KHDRBS2: variants seen among roughly 807,000 people sequenced by gnomAD.
KHDRBS2 encodes KH domain-containing, RNA-binding, signal transduction-associated protein 2.
A neutral mutation model predicts 44.3 loss-of-function variants in KHDRBS2; 26 were observed. The ratio of observed to expected loss-of-function variants is 0.59; its 90% CI spans 0.43 to 0.81. The LOEUF (loss-of-function observed/expected upper bound fraction) is 0.81, where lower values mean the gene tolerates loss of function less well. Ranked by LOEUF, KHDRBS2 falls within the 40% of genes least tolerant of loss-of-function variation. KHDRBS2 has a pLI of 0.00. For synonymous variants in KHDRBS2, 194 were observed against 151.1 expected, an observed-to-expected ratio of 1.28 and a Z score of -2.08; for missense variants, 476 against 433.1, an observed-to-expected ratio of 1.10 and a Z score of -0.88.
intron 6 of KHDRBS2, among the ~76,000 whole-genome samples, chr6:61,790,507 G>T (rs1450671272): frequency 6.6e-6 from 1 of 150,858 alleles, no homozygotes; most frequent in Non-Finnish European, 1.5e-5. Flanking sequence ...TACCTGGATG[G>T]TTTCACATAG....
rs191776877 is a variant in KHDRBS2 at position 61,769,793 on chromosome 6, C to A, written c.811-37029G>T. Among the ~76,000 whole-genome samples the A allele has an allele frequency of 3.7e-3, 568 of 152,346 alleles. 5 individuals are homozygous for A. The highest frequency in any genetic ancestry group is 4.2e-3 in the Non-Finnish European group (288 of 68,032). ...AGACAAACAAAAAGACAGCAGTAAC[C>A]TCTGCAGACTTAAATGTCCCTCTCT... On this transcript the variant is annotated intron_variant, in intron 6 of 8. Transcript: ENST00000281156.
At position 61,766,576 on chromosome 6, in the gene KHDRBS2, C is replaced by T. The variant is rs1780041148; in HGVS notation, c.811-33812G>A. The stretch of plus-strand genomic sequence containing the variant: ...AGGGTGCTTATTTGAAGTTTTTCTA[C>T]TTTTTTGATGTAGGCATATATAGCT... On this transcript the variant is annotated intron_variant, in intron 6 of 8. Transcript: ENST00000281156. 3.3e-5 allele frequency among the ~76,000 whole-genome samples: 5 copies of T among 151,954 alleles called. No homozygotes were observed. The South Asian group carries it at 8.3e-4, about 25-fold the overall frequency.
chr6:61,567,036 A>G, the KHDRBS2 span, among the ~76,000 whole-genome samples: 3 of 152,272 alleles, frequency 2.0e-5, no homozygotes, highest in African/African-American at 7.2e-5. Context: ...CTTCAGGGAG[A>G]AGGCTGGGGA....
rs1036249534 is a variant in KHDRBS2, at chr6:62,048,855, G to A, written c.220-861C>T. Among the ~76,000 whole-genome samples the A allele has an allele frequency of 9.0e-4, 137 of 151,880 alleles. 7 individuals are homozygous for A. Among genetic ancestry groups the A allele is most frequent in the Non-Finnish European group, 4.4e-5 (3 of 67,878 alleles). ...ACTAAAAATACAAAGAACATAGAAT[G>A]CACCAAAAACTATCTTGGGAACATA... On this transcript the variant is annotated intron_variant, in intron 2 of 8. Transcript: ENST00000281156.
At chr6:61,794,723 C>G (rs1185696745) in intron 6 of KHDRBS2, among the ~76,000 whole-genome samples, 1 of 152,012 alleles carries the variant, frequency 6.6e-6, no homozygotes, top group African/African-American at 2.4e-5. Flanking sequence ...TGGTTCTTAA[C>G]AAATTTTAGA....
intron 3 of KHDRBS2, among the ~76,000 whole-genome samples, chr6:62,015,356 C>T (rs534442697): frequency 7.9e-5 from 12 of 152,172 alleles, no homozygotes; most frequent in African/African-American, 2.9e-4. Context: ...AGCCCAGAAC[C>T]CATGTCCTGC....
chr6:62,204,236 C>T (rs1376672648), intron 1 of KHDRBS2, among the ~76,000 whole-genome samples: 2 of 152,124 alleles, frequency 1.3e-5, no homozygotes, highest in African/African-American at 4.8e-5. Context: ...TTATTGGAAA[C>T]TTACTAAAAG....
chr6:62,152,737 A>G (rs1815485422), intron 2 of KHDRBS2, among the ~76,000 whole-genome samples: 1 of 152,170 alleles, frequency 6.6e-6, no homozygotes, highest in Non-Finnish European at 1.5e-5. Context: ...TGCTTGCTCC[A>G]CAGAGATGGC....
At chr6:62,056,948 T>C (rs1310016564) in intron 2 of KHDRBS2, among the ~76,000 whole-genome samples, 5 of 151,948 alleles carry the variant, frequency 3.3e-5, no homozygotes, top group South Asian at 2.1e-4. Context: ...TAACCAATAA[T>C]CAAATTGAAA....
intron 1 of KHDRBS2, among the ~76,000 whole-genome samples, chr6:62,193,430 T>C (rs193264574): frequency 1.3e-5 from 2 of 152,228 alleles, no homozygotes; most frequent in Admixed American, 6.6e-5. Context: ...AGATCTCATA[T>C]AAAACGATGA....
chr6:61,646,859 G>A, the KHDRBS2 span, among the ~76,000 whole-genome samples: 9 of 151,882 alleles, frequency 5.9e-5, no homozygotes, highest in South Asian at 2.1e-4. Context: ...TCACTCAGTC[G>A]CCCAGGCTGG....
At chr6:61,958,184 A>T (rs1394438476) in intron 4 of KHDRBS2, among the ~76,000 whole-genome samples, 1 of 152,156 alleles carries the variant, frequency 6.6e-6, no homozygotes, top group Admixed American at 6.6e-5. Context: ...GAAGACACAC[A>T]GAACAATATC....
At chr6:62,161,754 G>A (rs541600824) in intron 2 of KHDRBS2, among the ~76,000 whole-genome samples, 1 of 151,786 alleles carries the variant, frequency 6.6e-6, no homozygotes, top group African/African-American at 2.4e-5. Context: ...TTGTAGTGAA[G>A]TATTTAAATT....
At chr6:62,147,950 TAAAC>T (rs1814295991) in intron 2 of KHDRBS2, among the ~76,000 whole-genome samples, 1 of 151,950 alleles carries the variant, frequency 6.6e-6, no homozygotes. Flanking sequence ...TAGGAATAAA[TAAAC>T]ATAGATACAT....
chr6:61,968,891 T>C (rs1284254435), intron 4 of KHDRBS2, among the ~76,000 whole-genome samples: 1 of 151,956 alleles, frequency 6.6e-6, no homozygotes, highest in African/African-American at 2.4e-5. Flanking sequence ...CAAATAACCC[T>C]CTTTGGAGCT....
the KHDRBS2 span, among the ~76,000 whole-genome samples, chr6:61,548,548 T>G: frequency 6.6e-6 from 1 of 152,134 alleles, no homozygotes; most frequent in East Asian, 1.9e-4. Flanking sequence ...TTAAAGTCCT[T>G]GCAGATAACA....
At chr6:62,162,043 T>C (rs1817767828) in intron 2 of KHDRBS2, among the ~76,000 whole-genome samples, 1 of 152,088 alleles carries the variant, frequency 6.6e-6, no homozygotes, top group Non-Finnish European at 1.5e-5. Context: ...GAAGTTACAA[T>C]TTTACCAGCT....
chr6:61,542,735 A>G, the KHDRBS2 span, among the ~76,000 whole-genome samples: 1 of 151,922 alleles, frequency 6.6e-6, no homozygotes, highest in Non-Finnish European at 1.5e-5. Flanking sequence ...ATTGTTTCCA[A>G]GGAAAACCCT....
chr6:62,178,953 C>T (rs1310029955), intron 1 of KHDRBS2, among the ~76,000 whole-genome samples: 2 of 151,434 alleles, frequency 1.3e-5, no homozygotes, highest in Non-Finnish European at 3.0e-5. Flanking sequence ...CATTTTACAA[C>T]AATTATCTTT....
Sources: allele counts gnomAD v4.1 joint callset (sites outside exome capture counted in the v4.1 genomes callset), GRCh38; gene constraint gnomAD v4.1.1; transcripts MANE v1.5; gene names NCBI Gene and HGNC (gene_info 2026-07-23, HGNC 2026-07-21).